The following LOC122539214 variants were observed in gnomAD, a reference collection of about 807,000 sequenced individuals.
the LOC122539214 span, chr19:52,655,749 G>A: frequency 1.4e-6 from 1 of 704,968 alleles, no homozygotes; most frequent in Admixed American, 2.3e-5. Context: ...CACACAAAAT[G>A]AGAAAAGAGA....
chr19:52,674,015 C>CAAAAAAAAA, the LOC122539214 span, among the ~76,000 whole-genome samples: 2 of 73,044 alleles, frequency 2.7e-5, no homozygotes, highest in Non-Finnish European at 5.2e-5. Flanking sequence ...GACTCCATCT[C>CAAAAAAAAA]AAAAAAAAAA....
At chr19:52,675,538 A>G in the LOC122539214 span, among the ~76,000 whole-genome samples, 1 of 151,958 alleles carries the variant, frequency 6.6e-6, no homozygotes, top group Non-Finnish European at 1.5e-5. Flanking sequence ...GCCTCCTATA[A>G]TTTTGTCCAG....
At chr19:52,661,954 G>A in the LOC122539214 span, among the ~76,000 whole-genome samples, 20 of 152,282 alleles carry the variant, frequency 1.3e-4, no homozygotes, top group South Asian at 3.5e-3. Flanking sequence ...AAGGCCCTGA[G>A]ACAGGAGCAA....
chr19:52,650,645 T>G, the LOC122539214 span: 1 of 152,182 alleles, frequency 6.6e-6, no homozygotes, highest in African/African-American at 2.4e-5. Flanking sequence ...TTAGAAGAAC[T>G]TCAAGTTTTA....
the LOC122539214 span, among the ~76,000 whole-genome samples, chr19:52,683,266 GTGTGTGTGTGTGTGTA>G: frequency 3.7e-3 from 385 of 104,488 alleles, 1 homozygote; most frequent in Non-Finnish European, 6.5e-3. Context: ...GTGTGTGTGT[GTGTGTGTGTGTGTGTA>G]TGCTCACGTG....
the LOC122539214 span, among the ~76,000 whole-genome samples, chr19:52,678,342 T>G: frequency 6.9e-6 from 1 of 145,272 alleles, no homozygotes; most frequent in Non-Finnish European, 1.5e-5. Flanking sequence ...CCCAGTTACT[T>G]GGGAGGCTGA....
the LOC122539214 span, chr19:52,654,153 A>C: frequency 6.2e-7 from 1 of 1,605,794 alleles, no homozygotes; most frequent in Non-Finnish European, 8.5e-7. Flanking sequence ...GCTTGTTTCC[A>C]GCATGCCTTT....
At chr19:52,680,604 ATATT>A in the LOC122539214 span, among the ~76,000 whole-genome samples, 5 of 89,930 alleles carry the variant, frequency 5.6e-5, no homozygotes, top group African/African-American at 1.0e-4. Flanking sequence ...TTTCCACAAA[ATATT>A]TTTTTTTTTT....
chr19:52,686,459 CATAT>C, the LOC122539214 span, among the ~76,000 whole-genome samples: 11 of 143,128 alleles, frequency 7.7e-5, no homozygotes, highest in South Asian at 2.2e-4. Flanking sequence ...AAAAAAATTA[CATAT>C]ATATATATAT....
chr19:52,652,502 T>G, the LOC122539214 span: 2 of 448,642 alleles, frequency 4.5e-6, no homozygotes, highest in Non-Finnish European at 9.1e-6. Flanking sequence ...TGAATTCTCC[T>G]GTGTTTTGCA....
chr19:52,656,537 T>G, the LOC122539214 span, among the ~76,000 whole-genome samples: 1 of 151,480 alleles, frequency 6.6e-6, no homozygotes, highest in African/African-American at 2.4e-5. Flanking sequence ...TAAAAATATA[T>G]GTATGTATAT....
the LOC122539214 span, among the ~76,000 whole-genome samples, chr19:52,665,020 C>T: frequency 6.6e-6 from 1 of 152,260 alleles, no homozygotes; most frequent in South Asian, 2.1e-4. Context: ...TCAAAGTTGT[C>T]TAGGGCAGGA....
At chr19:52,660,681 A>G in the LOC122539214 span, 1 of 164,328 alleles carries the variant, frequency 6.1e-6, no homozygotes, top group African/African-American at 2.4e-5. Flanking sequence ...AGGACGCTTC[A>G]GACTCACGGA....
At chr19:52,674,771 A>C in the LOC122539214 span, among the ~76,000 whole-genome samples, 15 of 152,266 alleles carry the variant, frequency 9.9e-5, no homozygotes, top group Non-Finnish European at 2.1e-4. Flanking sequence ...AAAAACATAG[A>C]GATACAACCA....
chr19:52,677,125 A>T, the LOC122539214 span, among the ~76,000 whole-genome samples: 3 of 48,054 alleles, frequency 6.2e-5, no homozygotes, highest in South Asian at 4.2e-4. Flanking sequence ...ATGATCAATT[A>T]AAAAAAAAAA....
At chr19:52,688,148 C>T in the LOC122539214 span, among the ~76,000 whole-genome samples, 1 of 152,056 alleles carries the variant, frequency 6.6e-6, no homozygotes, top group East Asian at 1.9e-4. Context: ...AACTCACCTA[C>T]TCATCTGATC....
At chr19:52,653,422 C>G in the LOC122539214 span, 2 of 836,622 alleles carry the variant, frequency 2.4e-6, no homozygotes, top group South Asian at 1.3e-5. Context: ...AGTATGAACT[C>G]TGTTATGGCG....
chr19:52,658,872 T>C, the LOC122539214 span, among the ~76,000 whole-genome samples: 2 of 152,200 alleles, frequency 1.3e-5, no homozygotes, highest in African/African-American at 4.8e-5. Flanking sequence ...GCTTTAATCA[T>C]TCATGAAACT....
At chr19:52,657,290 G>A in the LOC122539214 span, among the ~76,000 whole-genome samples, 1 of 152,072 alleles carries the variant, frequency 6.6e-6, no homozygotes, top group Admixed American at 6.6e-5. Context: ...CAATACATGG[G>A]TTCAAAATCA....
Sources: gnomAD v4.1 joint callset for allele counts (sites outside exome capture counted in the v4.1 genomes callset) on GRCh38, gnomAD v4.1.1 for gene constraint, MANE v1.5 for transcripts.